Variants in TNK2 observed in about 807,000 individuals in gnomAD.
TNK2 encodes the protein activated CDC42 kinase 1.
Under a neutral mutation model 101.8 loss-of-function variants are expected in TNK2, and 83 were observed. That is an observed-to-expected ratio of 0.82 (90% confidence interval 0.68 to 0.98). The LOEUF (loss-of-function observed/expected upper bound fraction) is 0.98, where lower values mean the gene tolerates loss of function less well. TNK2 is among the 50% of genes least tolerant of loss of function. The pLI, the probability that TNK2 is intolerant of heterozygous loss-of-function variation, is 0.00. For missense variants in TNK2, 1,665 were observed against 1,483.2 expected (o/e 1.12, Z -2.01); for synonymous variants, 804 against 633.0 (o/e 1.27, Z -4.06).
chr3:195,904,825 C>T (rs1761563306), intron 1 of TNK2, among the ~76,000 whole-genome samples: 1 of 152,130 alleles, frequency 6.6e-6, no homozygotes, highest in Admixed American at 6.6e-5. Flanking sequence ...CCAAAAACTA[C>T]AAAACACTGC....
Position 195,867,871 on chromosome 3 carries a change from G to T in TNK2, c.2427C>A (p.Pro809=). The T allele has an allele frequency of 6.5e-7, 1 of 1,529,890 alleles. No individual in the cohort carries two copies. 94.8% of individuals were successfully genotyped at this position (1,529,890 alleles called of 1,614,324 possible). Residue 809 remains proline (P), a synonymous_variant, in exon 13 of 16, where the codon CCC becomes CCA. Transcript: ENST00000672887. ...LSPQGSRTPS[P]LVPPGSSPLP... is the part of the protein sequence containing the mutation. ...GCGGGGAGCTGCCAGGTGGTACCAG[G>T]GGGCTGGGTGTCCTCGAGCCTTGAG...
intron 2 of TNK2, 96 bp from the exon 3 acceptor site, chr3:195,887,143 A>G: frequency 8.2e-6 from 10 of 1,215,264 alleles, no homozygotes; most frequent in Non-Finnish European, 2.4e-6. Context: ...CTGTCACTAG[A>G]CACCGCCCAC....
intron 1 of TNK2, among the ~76,000 whole-genome samples, chr3:195,889,423 C>T (rs903704120): frequency 2.6e-5 from 4 of 152,192 alleles, no homozygotes; most frequent in South Asian, 2.1e-4. Flanking sequence ...CACTGAGCCA[C>T]GAATCTCATT....
At chr3:195,891,549 T>C (rs1577101536) in intron 1 of TNK2, among the ~76,000 whole-genome samples, 1 of 152,226 alleles carries the variant, frequency 6.6e-6, no homozygotes, top group East Asian at 1.9e-4. Context: ...CCAGGCGTCG[T>C]GGCTTTCCGG....
In TNK2 at chr3:195,888,895, T is replaced by C. The variant is rs762923628; in HGVS notation, c.-18-289A>G. ...GACTGAGTGACCCAAGATCAACCTG[T>C]GCTCACATTCCTGCTCTAAGTTTCT... On this transcript the variant is annotated intron_variant, in intron 1 of 15. Transcript: ENST00000672887. This position sits in a 1 kb window ranked among gnomAD's most constrained non-coding sequence, Gnocchi z 5.3. Among the ~76,000 whole-genome samples the C allele has an allele frequency of 6.6e-6, 1 of 152,244 alleles. No homozygotes were observed. Among genetic ancestry groups the C allele is most frequent in the Admixed American group, 6.5e-5 (1 of 15,280 alleles).
intron 1 of TNK2, chr3:195,895,979 G>C (rs1760394759): frequency 3.1e-6 from 1 of 323,308 alleles, no homozygotes; most frequent in African/African-American, 2.4e-5. Flanking sequence ...CCCCCGCCCC[G>C]AGGCCCCCGC....
In TNK2 at chr3:195,864,088, T is replaced by C. The variant is rs1204130944; in HGVS notation, c.*93A>G. ...CGGGAGCAGCAGGAGCAGCGGGTCC[T>C]CCAGGACTGGATGGGGGCATCTCCC... is the stretch of plus-strand genomic sequence containing the variant. On this transcript the variant is annotated 3_prime_UTR_variant, in exon 16 of 16. Coordinates refer to ENST00000672887, the MANE Select transcript of TNK2 (RefSeq NM_001382273.1). 3.8e-6 allele frequency: 6 copies of C among 1,568,286 alleles called. No individual in the cohort carries two copies. Among genetic ancestry groups the C allele is most frequent in the Non-Finnish European group, 5.2e-6 (6 of 1,143,156 alleles).
chr3:195,890,635 C>T (rs1758036924), intron 1 of TNK2, among the ~76,000 whole-genome samples: 1 of 152,000 alleles, frequency 6.6e-6, no homozygotes, highest in South Asian at 2.1e-4. Context: ...GACAGGGTTC[C>T]TCCATGTTGG....
At chr3:195,876,753 AGGGCG>A (rs767030165) in intron 9 of TNK2, 59 of 418,822 alleles carry the variant, frequency 1.4e-4, no homozygotes, top group South Asian at 1.8e-4. Flanking sequence ...CTTCGACGGA[AGGGCG>A]GGGCGGGGCA....
rs945357381 is a variant in TNK2, at chr3:195,869,514, G to A, written c.1571C>T (p.Pro524Leu). 1.3e-5 allele frequency: 20 copies of A among 1,550,932 alleles called. No individual in the cohort carries two copies. The highest frequency in any genetic ancestry group is 1.7e-5 in the Non-Finnish European group (20 of 1,146,988). The change falls in exon 12 of 16, where the codon CCT becomes CTT. Residue 524 changes from proline (P) to leucine (L), a missense_variant. Around this residue, in one of 3 missense-constraint regions of TNK2, gnomAD observed 1,136 missense variants for 894.9 expected, o/e 1.27. Transcript: ENST00000672887. ...KREPPPRPPQ[P>L]AFFTQKPTYD... is the part of the protein sequence containing the mutation. ...CCACTTACTCTGAGTGAAGAAGGCA[G>A]GCTGAGGTGGGCGAGGTGGAGGCTC...
intron 1 of TNK2, among the ~76,000 whole-genome samples, chr3:195,898,229 C>T (rs1005591524): frequency 6.6e-6 from 1 of 152,138 alleles, no homozygotes; most frequent in Non-Finnish European, 1.5e-5. Context: ...ACACACCGGT[C>T]GGGCTGCTTC....
At chr3:195,868,998 C>T (rs1464171624) in intron 12 of TNK2, 2 of 488,514 alleles carry the variant, frequency 4.1e-6, no homozygotes, top group South Asian at 3.2e-5. Flanking sequence ...GACGCTGCCT[C>T]CACCAGCACA....
intron 9 of TNK2, among the ~76,000 whole-genome samples, chr3:195,874,201 G>A (rs1747508438): frequency 6.6e-6 from 1 of 152,228 alleles, no homozygotes; most frequent in African/African-American, 2.4e-5. Context: ...GTAACTGGGT[G>A]AGAATGCCGC....
intron 9 of TNK2, among the ~76,000 whole-genome samples, chr3:195,873,255 A>T (rs1180209933): frequency 6.6e-6 from 1 of 152,150 alleles, no homozygotes; most frequent in East Asian, 1.9e-4. Context: ...ATGTGGCCTA[A>T]GCCGGGGCCT....
At chr3:195,881,538 C>G (rs1305435158) in intron 6 of TNK2, among the ~76,000 whole-genome samples, 1 of 110,066 alleles carries the variant, frequency 9.1e-6, no homozygotes, top group Non-Finnish European at 1.8e-5. Context: ...TGTAACACCC[C>G]CCCCAGCAAT....
intron 1 of TNK2, chr3:195,896,394 C>T: frequency 3.3e-6 from 1 of 306,762 alleles, no homozygotes; most frequent in South Asian, 2.3e-5. Flanking sequence ...GGTGAGGCTC[C>T]CTCTACGGCC....
At chr3:195,892,279 C>T (rs1365887602) in intron 1 of TNK2, 15 of 934,160 alleles carry the variant, frequency 1.6e-5, no homozygotes, top group Middle Eastern at 6.7e-4. Flanking sequence ...CCACTTGGCC[C>T]GGACTCCCCG....
intron 1 of TNK2, chr3:195,892,137 A>C: frequency 1.8e-6 from 1 of 569,506 alleles, no homozygotes; most frequent in African/African-American, 2.0e-5. Flanking sequence ...CCAGAGTTCA[A>C]ACACTCTCCA....
intron 11 of TNK2, 198 bp from the exon 12 acceptor site, chr3:195,869,739 G>A (rs550299187): frequency 1.4e-5 from 9 of 628,582 alleles, no homozygotes; most frequent in South Asian, 1.1e-4. Flanking sequence ...AGTATGATAG[G>A]CAGAGGACCG....
Sources: gnomAD v4.1 joint callset for allele counts (sites outside exome capture counted in the v4.1 genomes callset) on GRCh38, gnomAD v4.1.1 for gene constraint, gnomAD v4.1.1 regional missense constraint, Gnocchi (gnomAD v3.1) non-coding constraint, MANE v1.5 for transcripts, NCBI Gene and HGNC (gene_info 2026-07-23, HGNC 2026-07-21) for gene names.